DSCAM: variants seen among roughly 807,000 people sequenced by gnomAD.
The protein encoded by DSCAM is cell adhesion molecule DSCAM.
A neutral mutation model predicts 217.7 loss-of-function variants in DSCAM; 47 were observed. The observed-to-expected ratio is 0.22, with a 90% CI of 0.17 to 0.28. DSCAM has a LOEUF of 0.28. DSCAM is among the 10% of genes least tolerant of loss of function. The pLI is 1.00. For missense variants in DSCAM, 2,080 were observed against 2,618.3 expected (o/e 0.79, Z 4.49); for synonymous variants, 1,056 against 1,015.3 (o/e 1.04, Z -0.76).
At chr21:40,448,782 A>G (rs2075695888) in intron 3 of DSCAM, among the ~76,000 whole-genome samples, 1 of 152,146 alleles carries the variant, frequency 6.6e-6, no homozygotes, top group African/African-American at 2.4e-5. Flanking sequence ...TATAATTATG[A>G]GAGTTTTGTC....
At chr21:40,471,344 C>T (rs531665167) in intron 3 of DSCAM, among the ~76,000 whole-genome samples, 1 of 152,144 alleles carries the variant, frequency 6.6e-6, no homozygotes, top group East Asian at 1.9e-4. Context: ...GGGGCCACTC[C>T]TTCCTTCCAC....
intron 16 of DSCAM, among the ~76,000 whole-genome samples, chr21:40,145,317 A>C (rs1338129199): frequency 6.6e-6 from 1 of 152,168 alleles, no homozygotes; most frequent in Non-Finnish European, 1.5e-5. Context: ...AATATCCCAG[A>C]ATCACAGTGT....
At chr21:40,421,231 C>G (rs768174212) in intron 3 of DSCAM, among the ~76,000 whole-genome samples, 11 of 152,180 alleles carry the variant, frequency 7.2e-5, no homozygotes, top group Non-Finnish European at 1.3e-4. Flanking sequence ...ATCCTTCACT[C>G]CACCATTCCT....
chr21:40,845,838 T>C (rs951056939), intron 1 of DSCAM, among the ~76,000 whole-genome samples: 1 of 152,198 alleles, frequency 6.6e-6, no homozygotes, highest in African/African-American at 2.4e-5. Flanking sequence ...ACAGGCAGCC[T>C]AAGGTGCAGT....
chr21:40,321,811 T>C (rs1044839770), intron 8 of DSCAM, among the ~76,000 whole-genome samples: 8 of 152,184 alleles, frequency 5.3e-5, no homozygotes, highest in South Asian at 2.1e-4. Flanking sequence ...GTATCCTTTG[T>C]GTCAGCCATA....
intron 11 of DSCAM, among the ~76,000 whole-genome samples, chr21:40,230,910 G>A (rs1219577033): frequency 6.6e-6 from 1 of 151,710 alleles, no homozygotes; most frequent in Non-Finnish European, 1.5e-5. Flanking sequence ...TCTCTTCCAG[G>A]TACACAGATG....
At chr21:40,167,506 C>A (rs1265065193) in intron 15 of DSCAM, among the ~76,000 whole-genome samples, 1 of 152,128 alleles carries the variant, frequency 6.6e-6, no homozygotes, top group Non-Finnish European at 1.5e-5. Context: ...TCTTGGGGAC[C>A]TATCATGGTA....
rs547608337 is a variant in DSCAM at position 40,141,036 on chromosome 21, TGTTAGGGACACA to T, written c.3406+1510_3406+1521del. ...TCTGCTCTCAGTCCTGAGAAACACA[TGTTAGGGACACA>T]GTTAGGGACATGCAGAGCTAAGGCT... On this transcript the variant is annotated intron_variant, in intron 18 of 32. Transcript: ENST00000400454. Among the ~76,000 whole-genome samples the T allele has an allele frequency of 9.0e-3, 1,377 of 152,256 alleles. 20 individuals are homozygous for T. Among genetic ancestry groups the T allele is most frequent in the African/African-American group, 0.031 (1,293 of 41,544 alleles).
chr21:40,238,832 C>T (rs2073111491), intron 11 of DSCAM, among the ~76,000 whole-genome samples: 2 of 152,132 alleles, frequency 1.3e-5, no homozygotes, highest in Admixed American at 1.3e-4. Context: ...TTCTAGAATC[C>T]TACCACTTTC....
intron 11 of DSCAM, among the ~76,000 whole-genome samples, chr21:40,239,200 A>G (rs970631823): frequency 3.8e-4 from 58 of 152,216 alleles, no homozygotes; most frequent in African/African-American, 1.3e-3. Context: ...CGGATACTTA[A>G]AGATGAATCG....
intron 2 of DSCAM, among the ~76,000 whole-genome samples, chr21:40,702,889 C>A (rs2146471036): frequency 6.6e-6 from 1 of 152,222 alleles, no homozygotes; most frequent in African/African-American, 2.4e-5. Flanking sequence ...AAATAACCTC[C>A]AATATTACAC....
intron 3 of DSCAM, among the ~76,000 whole-genome samples, chr21:40,609,373 T>C (rs1381965038): frequency 6.6e-6 from 1 of 152,228 alleles, no homozygotes; most frequent in Non-Finnish European, 1.5e-5. Context: ...TTCAACAAAA[T>C]TGTTGCCATA....
intron 1 of DSCAM, among the ~76,000 whole-genome samples, chr21:40,829,955 T>G (rs1031718420): frequency 1.3e-5 from 2 of 152,182 alleles, no homozygotes; most frequent in African/African-American, 2.4e-5. Flanking sequence ...CACATCTTCC[T>G]TCAGAAAAGC....
chr21:40,844,326 C>T (rs370128404), intron 1 of DSCAM, among the ~76,000 whole-genome samples: 45 of 152,268 alleles, frequency 3.0e-4, no homozygotes, highest in African/African-American at 7.5e-4. Context: ...TTTCCCCTCC[C>T]CCCTTCAAAG....
At chr21:40,102,914 C>A (rs2089772947) in intron 20 of DSCAM, among the ~76,000 whole-genome samples, 1 of 152,160 alleles carries the variant, frequency 6.6e-6, no homozygotes, top group Admixed American at 6.5e-5. Flanking sequence ...CCCCAGGGGT[C>A]AGGCTCCCCG....
intron 3 of DSCAM, among the ~76,000 whole-genome samples, chr21:40,665,799 C>T (rs896869317): frequency 6.6e-6 from 1 of 152,198 alleles, no homozygotes; most frequent in Admixed American, 6.5e-5. Context: ...TGAATGAATG[C>T]TCACAGACAG....
intron 1 of DSCAM, among the ~76,000 whole-genome samples, chr21:40,747,301 A>C (rs1327337989): frequency 6.8e-6 from 1 of 146,010 alleles, no homozygotes; most frequent in Non-Finnish European, 1.5e-5. Flanking sequence ...AAAAAAAAAC[A>C]ACAAACCTTA....
At chr21:40,456,623 C>G (rs1300977822) in intron 3 of DSCAM, among the ~76,000 whole-genome samples, 1 of 151,818 alleles carries the variant, frequency 6.6e-6, no homozygotes, top group Non-Finnish European at 1.5e-5. Context: ...AAGTCGATTG[C>G]TATCTGAAAA....
At chr21:40,602,304 G>T (rs538821160) in intron 3 of DSCAM, among the ~76,000 whole-genome samples, 1 of 152,020 alleles carries the variant, frequency 6.6e-6, no homozygotes, top group African/African-American at 2.4e-5. Context: ...CAAGCAATCC[G>T]CCCGCTGCGG....
Sources: allele counts gnomAD v4.1 joint callset (sites outside exome capture counted in the v4.1 genomes callset), GRCh38; gene constraint gnomAD v4.1.1; transcripts MANE v1.5; gene names NCBI Gene and HGNC (gene_info 2026-07-23, HGNC 2026-07-21).